The following RBFOX1 variants were observed in gnomAD, a reference collection of about 807,000 sequenced individuals.
RBFOX1 encodes the protein RNA binding fox-1 homolog 1, also known as RNA binding protein fox-1 homolog 1.
Under a neutral mutation model 57.7 loss-of-function variants are expected in RBFOX1, and 8 were observed. The observed-to-expected ratio is 0.14, with a 90% CI of 0.08 to 0.25. The LOEUF is 0.25. Among genes scored for constraint, RBFOX1 ranks in the 10% least tolerant of loss-of-function variants. The pLI is 1.00. For synonymous variants in RBFOX1, 326 were observed against 222.4 expected (o/e 1.47, Z -4.15); for missense variants, 611 against 548.5 (o/e 1.11, Z -1.14).
Position 7,206,269 on chromosome 16 carries a change from G to T in RBFOX1, c.27+154171G>T, listed in dbSNP as rs59055864. On this transcript the variant is annotated intron_variant, in intron 4 of 15. Coordinates refer to ENST00000550418, the MANE Select transcript of RBFOX1 (RefSeq NM_018723.4). The stretch of plus-strand genomic sequence containing the variant: ...TTAGTCTTTTGTGTTTGTATGGCAA[G>T]TATCTAAGTTAATAATGGGAAGTAG... 3.9e-5 allele frequency among the ~76,000 whole-genome samples: 6 copies of T among 152,110 alleles called. 1 individual carries two copies. In the South Asian group the frequency reaches 1.0e-3, roughly 26 times the overall value.
intron 1 of RBFOX1, among the ~76,000 whole-genome samples, chr16:5,462,909 T>G (rs950899560): frequency 1.3e-5 from 2 of 152,214 alleles, no homozygotes; most frequent in Admixed American, 6.5e-5. Flanking sequence ...GCCTGAATTT[T>G]CAATGTTGCT....
chr16:7,638,436 G>C (rs929502024), intron 11 of RBFOX1, among the ~76,000 whole-genome samples: 1 of 152,002 alleles, frequency 6.6e-6, no homozygotes. Context: ...CCCAGAGGCT[G>C]GAAACAGGAT....
chr16:7,546,031 G>GAA lies in RBFOX1; in HGVS notation c.270+27646_270+27647dup, dbSNP rs1200153726. Among the ~76,000 whole-genome samples the GAA allele has an allele frequency of 3.1e-5, 4 of 129,438 alleles. No homozygotes were observed. In the East Asian group the frequency reaches 8.6e-4, roughly 28 times the overall value. The allele number at this position is 129,438 out of a possible 152,430, so 84.9% of individuals were successfully genotyped here. On this transcript the variant is annotated intron_variant, in intron 5 of 15. Transcript: ENST00000550418. ...TGAGCTTATAAAAAAAAAAAAAAAA[G>GAA]AAAAAGAAAATCAGGCCAGGCACAG...
At chr16:5,980,368 T>G (rs1367694648) in intron 4 of RBFOX1, among the ~76,000 whole-genome samples, 2 of 151,972 alleles carry the variant, frequency 1.3e-5, no homozygotes, top group Non-Finnish European at 2.9e-5. Context: ...TGGGACTGGT[T>G]GTGGTGAGTT....
At chr16:5,717,025 T>G (rs34305148) in intron 3 of RBFOX1, among the ~76,000 whole-genome samples, 84,193 of 151,582 alleles carry the variant, frequency 0.56, 26,379 homozygotes, top group Non-Finnish European at 0.72. Flanking sequence ...GAAAAAACTC[T>G]TAACTCCAGT....
chr16:7,001,469 T>A (rs992230415), intron 3 of RBFOX1, among the ~76,000 whole-genome samples: 1 of 152,018 alleles, frequency 6.6e-6, no homozygotes, highest in Non-Finnish European at 1.5e-5. Context: ...CGTGTATGTA[T>A]ATTTTGAGAT....
exon 1 of RBFOX1, chr16:5,240,101 G>C: frequency 6.6e-7 from 1 of 1,525,480 alleles, no homozygotes. Context: ...GGCGACGGCA[G>C]AGGAGTAAGT....
chr16:6,020,044 A>C, intron 1 of RBFOX1, 52 bp downstream of exon 1: 1 of 1,396,862 alleles, frequency 7.2e-7, no homozygotes, highest in Non-Finnish European at 9.4e-7. Flanking sequence ...CTGGTGGGTC[A>C]GGTCCAGAAG....
chr16:7,432,590 A>G (rs898359784), intron 4 of RBFOX1, among the ~76,000 whole-genome samples: 1 of 152,216 alleles, frequency 6.6e-6, no homozygotes, highest in African/African-American at 2.4e-5. Flanking sequence ...CTCTGTCACA[A>G]CTACTCAGCT....
chr16:6,235,927 G>T (rs549276054), intron 1 of RBFOX1, among the ~76,000 whole-genome samples: 2 of 151,982 alleles, frequency 1.3e-5, no homozygotes, highest in Non-Finnish European at 2.9e-5. Flanking sequence ...CGGGTGATGG[G>T]TGCCCCAAAA....
intron 2 of RBFOX1, among the ~76,000 whole-genome samples, chr16:5,530,025 C>G (rs1567197954): frequency 6.6e-6 from 1 of 152,102 alleles, no homozygotes; most frequent in Non-Finnish European, 1.5e-5. Flanking sequence ...AAGGAACCAA[C>G]CATGCAGACA....
chr16:6,462,401 G>T (rs114735959), intron 2 of RBFOX1, among the ~76,000 whole-genome samples: 1 of 152,124 alleles, frequency 6.6e-6, no homozygotes, highest in Non-Finnish European at 1.5e-5. Context: ...CATGGTTATT[G>T]TCCACACATG....
intron 2 of RBFOX1, among the ~76,000 whole-genome samples, chr16:6,515,248 G>T (rs535361349): frequency 6.6e-6 from 1 of 152,314 alleles, no homozygotes; most frequent in East Asian, 1.9e-4. Flanking sequence ...GCTGAGCAAA[G>T]TGGCTTACTT....
intron 14 of RBFOX1, among the ~76,000 whole-genome samples, chr16:7,678,615 C>G (rs1205863205): frequency 2.0e-5 from 3 of 151,646 alleles, no homozygotes; most frequent in Non-Finnish European, 4.4e-5. Context: ...GCATCTATCC[C>G]CAAGTTGAAA....
chr16:7,343,130 C>T (rs1348392052), intron 4 of RBFOX1, among the ~76,000 whole-genome samples: 1 of 152,106 alleles, frequency 6.6e-6, no homozygotes, highest in African/African-American at 2.4e-5. Flanking sequence ...CTGTTCCATG[C>T]AGCTCTGGCA....
At chr16:7,025,072 G>A (rs1248750003) in intron 3 of RBFOX1, among the ~76,000 whole-genome samples, 1 of 152,186 alleles carries the variant, frequency 6.6e-6, no homozygotes, top group Non-Finnish European at 1.5e-5. Flanking sequence ...GGGCGTGTCT[G>A]TAGAGTGAAG....
At chr16:6,957,366 C>T (rs1018771543) in intron 3 of RBFOX1, among the ~76,000 whole-genome samples, 2 of 151,438 alleles carry the variant, frequency 1.3e-5, no homozygotes, top group Admixed American at 6.6e-5. Flanking sequence ...CTCCTGACTT[C>T]GTGATCTGCC....
At chr16:6,341,574 T>A (rs2084582439) in intron 2 of RBFOX1, among the ~76,000 whole-genome samples, 1 of 152,212 alleles carries the variant, frequency 6.6e-6, no homozygotes. Flanking sequence ...ATAATGCTGA[T>A]TCTTGCAAAA....
At chr16:6,955,202 C>T (rs2081522335) in intron 3 of RBFOX1, among the ~76,000 whole-genome samples, 1 of 152,078 alleles carries the variant, frequency 6.6e-6, no homozygotes, top group Non-Finnish European at 1.5e-5. Flanking sequence ...GATGGCACCA[C>T]TGTACTCCAG....
Sources: gnomAD v4.1 joint callset for allele counts (sites outside exome capture counted in the v4.1 genomes callset) on GRCh38, gnomAD v4.1.1 for gene constraint, MANE v1.5 for transcripts, NCBI Gene and HGNC (gene_info 2026-07-23, HGNC 2026-07-21) for gene names.